The following NME7 variants were observed in gnomAD, a reference collection of about 807,000 sequenced individuals.
NME7 encodes the protein nucleoside diphosphate kinase 7.
In NME7, 41 loss-of-function variants were observed where a neutral mutation model predicts 49.1. The ratio of observed to expected loss-of-function variants is 0.83; its 90% CI spans 0.65 to 1.08. The LOEUF (loss-of-function observed/expected upper bound fraction) is 1.08, where lower values mean the gene tolerates loss of function less well. Among genes scored for constraint, NME7 ranks in the 50% least tolerant of loss-of-function variants. The pLI, the probability that NME7 is intolerant of heterozygous loss-of-function variation, is 0.00. For missense variants in NME7, 423 were observed against 463.4 expected (o/e 0.91, Z 0.80); for synonymous variants, 139 against 150.6 (o/e 0.92, Z 0.56).
At chr1:169,270,341 T>G (rs1649451142) in intron 7 of NME7, among the ~76,000 whole-genome samples, 1 of 133,916 alleles carries the variant, frequency 7.5e-6, no homozygotes. Flanking sequence ...TCTCCCAGAT[T>G]TGGCTACCTC....
intron 1 of NME7, among the ~76,000 whole-genome samples, chr1:169,330,956 G>C (rs1484828322): frequency 6.6e-6 from 1 of 151,972 alleles, no homozygotes; most frequent in African/African-American, 2.4e-5. Context: ...CTCATTCTAC[G>C]AGGCCAGTAT....
intron 1 of NME7, among the ~76,000 whole-genome samples, chr1:169,343,936 C>T (rs1434323843): frequency 1.3e-5 from 2 of 152,166 alleles, no homozygotes; most frequent in Non-Finnish European, 2.9e-5. Context: ...ATCAGCTCGT[C>T]AATTTCTGCA....
chr1:169,200,724 C>T (rs1660523224), intron 10 of NME7, among the ~76,000 whole-genome samples: 1 of 152,136 alleles, frequency 6.6e-6, no homozygotes, highest in African/African-American at 2.4e-5. Flanking sequence ...TTAGCCCTTC[C>T]TCACCCATTC....
At chr1:169,136,836 T>C (rs968436226) in intron 11 of NME7, among the ~76,000 whole-genome samples, 2 of 152,268 alleles carry the variant, frequency 1.3e-5, no homozygotes, top group Non-Finnish European at 2.9e-5. Flanking sequence ...TGAAGCTTGT[T>C]ATTCTTTCAT....
At chr1:169,325,231 A>G (rs1423008804) in intron 1 of NME7, among the ~76,000 whole-genome samples, 1 of 152,178 alleles carries the variant, frequency 6.6e-6, no homozygotes, top group Non-Finnish European at 1.5e-5. Flanking sequence ...TACACCCTCT[A>G]AGAAAGGTTC....
intron 10 of NME7, among the ~76,000 whole-genome samples, chr1:169,202,486 A>G (rs1343994212): frequency 6.6e-6 from 1 of 152,152 alleles, no homozygotes; most frequent in Non-Finnish European, 1.5e-5. Flanking sequence ...TTTATAAATT[A>G]CCCAGTCTCA....
intron 1 of NME7, among the ~76,000 whole-genome samples, chr1:169,345,161 G>A (rs946035308): frequency 6.6e-6 from 1 of 152,074 alleles, no homozygotes; most frequent in African/African-American, 2.4e-5. Context: ...AATTTCTGCA[G>A]GGATAGGAGC....
intron 7 of NME7, among the ~76,000 whole-genome samples, chr1:169,276,674 G>A (rs1558018214): frequency 2.3e-5 from 3 of 132,018 alleles, no homozygotes; most frequent in South Asian, 2.4e-4. Context: ...GGGTTTTTTG[G>A]TCTCTATTTC....
intron 6 of NME7, among the ~76,000 whole-genome samples, chr1:169,291,985 T>A (rs547439914): frequency 4.3e-4 from 65 of 152,224 alleles, no homozygotes; most frequent in African/African-American, 1.4e-3. Context: ...CTACATTATC[T>A]CTGAGGTATG....
At chr1:169,250,489 A>G (rs1214284557) in intron 7 of NME7, among the ~76,000 whole-genome samples, 1 of 151,732 alleles carries the variant, frequency 6.6e-6, no homozygotes, top group African/African-American at 2.4e-5. Context: ...ATCTGCTCTG[A>G]TCTTTGTTAT....
intron 10 of NME7, among the ~76,000 whole-genome samples, chr1:169,171,076 C>T (rs35774511): frequency 0.37 from 56,450 of 152,040 alleles, 11,057 homozygotes; most frequent in East Asian, 0.73. Context: ...TTACTCAGTT[C>T]CAGTAAACTG....
chr1:169,161,238 A>C (rs563151112), intron 11 of NME7, among the ~76,000 whole-genome samples: 1 of 152,324 alleles, frequency 6.6e-6, no homozygotes, highest in South Asian at 2.1e-4. Flanking sequence ...CCCCAGTCTT[A>C]CTGCACTATT....
intron 9 of NME7, among the ~76,000 whole-genome samples, chr1:169,233,716 T>C (rs1404500332): frequency 6.6e-6 from 1 of 152,140 alleles, no homozygotes; most frequent in Non-Finnish European, 1.5e-5. Context: ...TTCACAAAGG[T>C]CATATGTAAT....
intron 10 of NME7, among the ~76,000 whole-genome samples, chr1:169,178,817 C>CTT: frequency 2.0e-5 from 2 of 98,674 alleles, no homozygotes; most frequent in South Asian, 3.2e-4. Flanking sequence ...GCTGAAACCT[C>CTT]TTCTTTTTTT....
At chr1:169,303,455 C>CTTTT (rs969800387) in intron 4 of NME7, 165 of 113,452 alleles carry the variant, frequency 1.5e-3, no homozygotes, top group South Asian at 2.0e-3. Flanking sequence ...CTATCTTCTT[C>CTTTT]TTTTTTTTTT....
intron 9 of NME7, among the ~76,000 whole-genome samples, chr1:169,232,973 C>T (rs1238920041): frequency 1.6e-5 from 2 of 127,602 alleles, no homozygotes; most frequent in Non-Finnish European, 3.1e-5. Context: ...AGCTGGAGCA[C>T]AGTGGCACGA....
intron 1 of NME7, among the ~76,000 whole-genome samples, chr1:169,341,843 C>T (rs71635620): frequency 0.074 from 11,312 of 152,208 alleles, 628 homozygotes; most frequent in Non-Finnish European, 0.12. Context: ...TTGGTTTGGC[C>T]AATTTCTCCC....
intron 11 of NME7, among the ~76,000 whole-genome samples, chr1:169,153,892 G>A (rs75880042): frequency 7.3e-4 from 110 of 150,038 alleles, no homozygotes; most frequent in Admixed American, 2.0e-3. Flanking sequence ...ATTTTTTGTA[G>A]AGACATCTCC....
intron 11 of NME7, among the ~76,000 whole-genome samples, chr1:169,156,754 A>G (rs924176014): frequency 3.3e-5 from 5 of 152,204 alleles, no homozygotes; most frequent in Non-Finnish European, 7.3e-5. Context: ...CTTATGCCCC[A>G]CTATGACGGG....
Sources: gnomAD v4.1 joint callset for allele counts (sites outside exome capture counted in the v4.1 genomes callset) on GRCh38, gnomAD v4.1.1 for gene constraint, MANE v1.5 for transcripts, NCBI Gene and HGNC (gene_info 2026-07-23, HGNC 2026-07-21) for gene names.